Variants in TRABD observed in about 807,000 individuals in gnomAD.
TRABD encodes the protein traB domain-containing protein.
A neutral mutation model predicts 39.6 loss-of-function variants in TRABD; 23 were observed. The observed-to-expected ratio is 0.58, with a 90% confidence interval of 0.42 to 0.82. The LOEUF (loss-of-function observed/expected upper bound fraction) is 0.82, where lower values mean the gene tolerates loss of function less well. Ranked by LOEUF, TRABD falls within the 40% of genes least tolerant of loss-of-function variation. The pLI, the probability that TRABD is intolerant of heterozygous loss-of-function variation, is 0.00. For synonymous variants in TRABD, 243 were observed against 232.1 expected (o/e 1.05, Z -0.43); for missense variants, 487 against 544.9 (o/e 0.89, Z 1.06).
Position 50,193,651 on chromosome 22 carries a change from C to G in TRABD, c.109C>G (p.Leu37Val), listed in dbSNP as rs2063988720. The G allele has an allele frequency of 6.2e-7, 1 of 1,613,634 alleles. No individual in the cohort carries two copies. Among genetic ancestry groups the G allele is most frequent in the Non-Finnish European group, 8.5e-7 (1 of 1,179,820 alleles). The stretch of plus-strand genomic sequence containing the variant: ...GGTGCTTTCTGGAGACCCCCAGAAC[C>G]TGTGTACGTGTCCCTCAGGGTCCTG... ...PRVLSGDPQNLSDVDAFNLLL... is the reference protein window; with the variant it reads ...PRVLSGDPQNVSDVDAFNLLL... The change falls in exon 3 of 10, where the codon CTG becomes GTG. Residue 37 changes from leucine to valine, a missense_variant. Physicochemically the swap from Leu to Val is conservative, Grantham distance 32. Coordinates refer to ENST00000380909, the MANE Select transcript of TRABD (RefSeq NM_001320485.2).
chr22:50,194,571 G>A, intron 4 of TRABD, 65 bp downstream of exon 4: 3 of 1,545,904 alleles, frequency 1.9e-6, no homozygotes, highest in Non-Finnish European at 2.6e-6. Flanking sequence ...CCTGCACTCA[G>A]GGACCTCCCG....
rs2064196917 is a variant in TRABD at position 50,198,265 on chromosome 22, T to C, written c.956+79T>C. 1.5e-6 allele frequency: 2 copies of C among 1,343,834 alleles called. No homozygotes were observed. The highest frequency in any genetic ancestry group is 2.2e-4 in the Middle Eastern group (1 of 4,598). 83.2% of individuals were successfully genotyped at this position (1,343,834 alleles called of 1,614,324 possible). A position where few individuals can be genotyped will look rare whatever the true frequency, so the allele number is the denominator to read the frequency against. On this transcript the variant is annotated intron_variant, in intron 9 of 9. Coordinates refer to ENST00000380909, the MANE Select transcript of TRABD (RefSeq NM_001320485.2). This position sits in a 1 kb window ranked among gnomAD's most constrained non-coding sequence, Gnocchi z 7.9. ...CTGAGCGCCCTGGAGGCCAACCACATGCGGCAGTGACCCAGGCATGGGGGC... is the reference window on the plus strand; with the variant it reads ...CTGAGCGCCCTGGAGGCCAACCACACGCGGCAGTGACCCAGGCATGGGGGC...
At chr22:50,197,191 G>GCGGGGGGCC in intron 5 of TRABD, 50 bp from the exon 6 acceptor site, 2 of 1,553,438 alleles carry the variant, frequency 1.3e-6, no homozygotes, top group African/African-American at 1.4e-5. Flanking sequence ...TTCCCCCAGC[G>GCGGGGGGCC]CACCCCCGCA....
intron 5 of TRABD, chr22:50,196,939 C>A: frequency 5.9e-6 from 2 of 340,264 alleles, no homozygotes; most frequent in Admixed American, 4.5e-5. Flanking sequence ...ACCTCGTGAT[C>A]CGCCTGCCTC....
Position 50,197,948 on chromosome 22 carries a change from TGCTGCGCCAGGCCGCGCG to T in TRABD, c.800_817del (p.Leu267_Arg272del), listed in dbSNP as rs2064179964. The T allele has an allele frequency of 1.2e-5, 20 of 1,612,730 alleles. No individual in the cohort carries two copies. The highest frequency in any genetic ancestry group is 1.7e-5 in the Non-Finnish European group (20 of 1,179,938). ...GAGCGCGACGTCTACCTAACCTACA[TGCTGCGCCAGGCCGCGCG>T]GCGCCTCGAGCTGCCTCGGGCCTCT... On this transcript the variant is annotated inframe_deletion, in exon 8 of 10. Coordinates refer to ENST00000380909, the MANE Select transcript of TRABD (RefSeq NM_001320485.2).
At chr22:50,189,492 A>G (rs1466577588) in intron 1 of TRABD, among the ~76,000 whole-genome samples, 4 of 152,188 alleles carry the variant, frequency 2.6e-5, no homozygotes, top group African/African-American at 4.8e-5. Flanking sequence ...GCCAGGCTGC[A>G]CCGCTTCCCA....
chr22:50,197,764 G>GCGGCC, intron 7 of TRABD, 59 bp from the exon 8 acceptor site: 3 of 1,284,782 alleles, frequency 2.3e-6, no homozygotes, highest in Non-Finnish European at 3.4e-6. Context: ...CACAGTGCCA[G>GCGGCC]CCCCACCCCC....
chr22:50,186,118 G>GC (rs1298694755), intron 1 of TRABD, 142 bp downstream of exon 1: 10 of 143,670 alleles, frequency 7.0e-5, no homozygotes, highest in Non-Finnish European at 1.2e-4. Context: ...CGGGGGCGGG[G>GC]GGGGTCAGGC....
intron 5 of TRABD, chr22:50,196,993 C>T (rs1178358866): frequency 2.1e-5 from 11 of 515,486 alleles, no homozygotes; most frequent in South Asian, 1.2e-4. Flanking sequence ...CCACTGCACC[C>T]GGCCCGTGAA....
Position 50,193,073 on chromosome 22 carries a change from G to T in TRABD, c.13G>T (p.Glu5Ter). Residue 5 changes from glutamate to a stop codon, truncating the protein, a stop_gained, in exon 2 of 10, where the codon GAG (glutamate) becomes TAG (stop). Coordinates refer to ENST00000380909, the MANE Select transcript of TRABD (RefSeq NM_001320485.2). LOFTEE classifies it high-confidence loss of function. MDGE[E>*]QQPPHEANVE... ...CCGCCGCCCAGCCATGGACGGGGAG[G>T]AGCAGCAGCCACCGCACGAGGTGAG... 6.5e-7 allele frequency: 1 copy of T among 1,545,872 alleles called. No individual in the cohort carries two copies. Among genetic ancestry groups the T allele is most frequent in the South Asian group, 1.2e-5 (1 of 84,072 alleles).
chr22:50,190,089 GGAAA>G (rs1381497152), intron 1 of TRABD, among the ~76,000 whole-genome samples: 11 of 152,200 alleles, frequency 7.2e-5, no homozygotes, highest in Admixed American at 2.0e-4. Flanking sequence ...TGGCGAGGAG[GGAAA>G]GAGAGTGTTG....
At chr22:50,187,176 C>G (rs2147080934) in intron 1 of TRABD, among the ~76,000 whole-genome samples, 1 of 152,320 alleles carries the variant, frequency 6.6e-6, no homozygotes, top group East Asian at 1.9e-4. Context: ...GTGGCAGGAG[C>G]CTGTGGGGCC....
At chr22:50,197,763 A>AGCCCCCCCCCCCCCCCCGG in intron 7 of TRABD, 60 bp from the exon 8 acceptor site, 2 of 1,439,784 alleles carry the variant, frequency 1.4e-6, no homozygotes, top group Non-Finnish European at 1.9e-6. Flanking sequence ...CCACAGTGCC[A>AGCCCCCCCCCCCCCCCCGG]GCCCCACCCC....
In TRABD at chr22:50,198,198, C is replaced by T. The variant is rs761623659; in HGVS notation, c.956+12C>T. On this transcript the variant is annotated intron_variant, in intron 9 of 9. Coordinates refer to ENST00000380909, the MANE Select transcript of TRABD (RefSeq NM_001320485.2). The surrounding 1 kb of genome is among the most constrained non-coding windows in gnomAD (Gnocchi z 7.9). The stretch of plus-strand genomic sequence containing the variant: ...CAGGAGATCATGACGTGAGTGCCCG[C>T]CCCTCCCTGCAAGCCCCACCCCACA... 1 of 1,596,144 alleles carries T rather than the reference C, an allele frequency of 6.3e-7. No homozygotes were observed. The highest frequency in any genetic ancestry group is 2.3e-5 in the East Asian group (1 of 43,680).
rs73893135 is a variant in TRABD, at chr22:50,197,199, G to A, written c.421-42G>A. Reference sequence around the variant, plus strand: ...TCTGCCATTCCCCCAGCGCACCCCCGCACCCGCCCCTCCAGCTGATGCCTG... The same window carrying A: ...TCTGCCATTCCCCCAGCGCACCCCCACACCCGCCCCTCCAGCTGATGCCTG... On this transcript the variant is annotated intron_variant, in intron 5 of 9. Transcript: ENST00000380909. 321 of 1,586,536 alleles carry A rather than the reference G, an allele frequency of 2.0e-4. 6 individuals are homozygous for A. The South Asian group carries it at 3.3e-3, about 16-fold the overall frequency.
At position 50,198,570 on chromosome 22, in the gene TRABD, C is replaced by G. The variant is rs777797303; in HGVS notation, c.*51C>G. On this transcript the variant is annotated 3_prime_UTR_variant, in exon 10 of 10. Coordinates refer to ENST00000380909, the MANE Select transcript of TRABD (RefSeq NM_001320485.2). This position sits in a 1 kb window ranked among gnomAD's most constrained non-coding sequence, Gnocchi z 7.9. The stretch of plus-strand genomic sequence containing the variant: ...CCCTGAGGAGCCAGTGCCCCCGCGG[C>G]ACTTCTGGGTGCCAGGTGCATCCTA... 4 of 1,451,746 alleles carry G rather than the reference C, an allele frequency of 2.8e-6. No homozygotes were observed. The highest frequency in any genetic ancestry group is 2.7e-6 in the Non-Finnish European group (3 of 1,105,178). The allele number at this position is 1,451,746 out of a possible 1,614,324, so 89.9% of individuals were successfully genotyped here. A position where few individuals can be genotyped will look rare whatever the true frequency, so the allele number is the denominator to read the frequency against.
At position 50,194,953 on chromosome 22, in the gene TRABD, T is replaced by C. The variant is rs150236084; in HGVS notation, c.333T>C (p.Arg111=). The C allele has an allele frequency of 1.2e-6, 2 of 1,612,984 alleles. No individual in the cohort carries two copies. Among genetic ancestry groups the C allele is most frequent in the East Asian group, 4.5e-5 (2 of 44,876 alleles). The change falls in exon 5 of 10, where the codon CGT becomes CGC. Residue 111 remains arginine, a synonymous_variant. Transcript: ENST00000380909. ...DVVVVELCQY[R]VSMLKMDEST... Reference sequence around the variant, plus strand: ...TGGTCGTGGAGCTCTGCCAATATCGTGTGTCCATGCTGAAGATGGACGAGA... The same window carrying C: ...TGGTCGTGGAGCTCTGCCAATATCGCGTGTCCATGCTGAAGATGGACGAGA...
rs1266465927 is a variant in TRABD, at chr22:50,194,507, G to A, written c.279+1G>A. ...CGACAGCAAGAGGGACGTTGTGAAGGTGAGCGCCGCCACCCGCCACATCCC... is the reference window on the plus strand; with the variant it reads ...CGACAGCAAGAGGGACGTTGTGAAGATGAGCGCCGCCACCCGCCACATCCC... On this transcript the variant is annotated splice_donor_variant, in intron 4 of 9. Coordinates refer to ENST00000380909, the MANE Select transcript of TRABD (RefSeq NM_001320485.2). LOFTEE classifies it high-confidence loss of function. 2 of 1,555,756 alleles carry A rather than the reference G, an allele frequency of 1.3e-6. No individual in the cohort carries two copies. Among genetic ancestry groups the A allele is most frequent in the South Asian group, 1.2e-5 (1 of 84,768 alleles).
At chr22:50,192,887 G>A in intron 1 of TRABD, 140 bp from the exon 2 acceptor site, 3 of 634,546 alleles carry the variant, frequency 4.7e-6, no homozygotes, top group Non-Finnish European at 7.5e-6. Flanking sequence ...TTGATGGGCA[G>A]GAGGCATTTG....
Sources: gnomAD v4.1 joint callset for allele counts (sites outside exome capture counted in the v4.1 genomes callset) on GRCh38, gnomAD v4.1.1 for gene constraint, Gnocchi (gnomAD v3.1) non-coding constraint, MANE v1.5 for transcripts, NCBI Gene and HGNC (gene_info 2026-07-23, HGNC 2026-07-21) for gene names.